BAZ2B: variants seen among roughly 807,000 people sequenced by gnomAD.
The protein encoded by BAZ2B is bromodomain adjacent to zinc finger domain 2B, also known as bromodomain adjacent to zinc finger domain protein 2B.
Under a neutral mutation model 246.0 loss-of-function variants are expected in BAZ2B, and 91 were observed. The observed-to-expected ratio is 0.37, with a 90% CI of 0.31 to 0.44. BAZ2B has a LOEUF of 0.44. BAZ2B is among the 20% of genes least tolerant of loss of function. The probability of loss-of-function intolerance (pLI) is 1.00; values close to 1 mark genes in which losing one functional copy is unlikely to be tolerated. For missense variants in BAZ2B, 2,332 were observed against 2,533.7 expected (o/e 0.92, Z 1.71); for synonymous variants, 855 against 860.0 (o/e 0.99, Z 0.10).
chr2:159,674,406 G>GAAGAA, the BAZ2B span, among the ~76,000 whole-genome samples: 67,366 of 148,748 alleles, frequency 0.45, 16,102 homozygotes, highest in Middle Eastern at 0.63. Context: ...AAAGAGAAGA[G>GAAGAA]AAGAAAAGAA....
intron 18 of BAZ2B, among the ~76,000 whole-genome samples, chr2:159,398,511 A>G (rs2064421721): frequency 1.3e-5 from 2 of 152,136 alleles, no homozygotes; most frequent in South Asian, 4.1e-4. Context: ...CATAAACATA[A>G]ATAACACACA....
At chr2:159,425,585 T>C (rs2069673016) in intron 13 of BAZ2B, among the ~76,000 whole-genome samples, 1 of 152,222 alleles carries the variant, frequency 6.6e-6, no homozygotes, top group African/African-American at 2.4e-5. Context: ...ATTACATCCA[T>C]CATTAGTTTT....
the BAZ2B span, chr2:159,694,431 T>C: frequency 6.6e-6 from 1 of 152,152 alleles, no homozygotes; most frequent in Admixed American, 6.5e-5. Context: ...CACTATCTAG[T>C]TGCAGAACAT....
chr2:159,512,731 G>A (rs1034715889), intron 2 of BAZ2B, among the ~76,000 whole-genome samples: 1 of 152,084 alleles, frequency 6.6e-6, no homozygotes, highest in Non-Finnish European at 1.5e-5. Context: ...CACTTATTAA[G>A]CACTATACAC....
chr2:159,606,885 T>A (rs10167143), intron 1 of BAZ2B, among the ~76,000 whole-genome samples: 81,757 of 150,514 alleles, frequency 0.54, 23,074 homozygotes, highest in East Asian at 0.74. Flanking sequence ...ATTTTTTAAA[T>A]CTTTCCTTTT....
At chr2:159,522,429 TAAC>T (rs745864305) in intron 2 of BAZ2B, among the ~76,000 whole-genome samples, 243 of 152,178 alleles carry the variant, frequency 1.6e-3, no homozygotes, top group Non-Finnish European at 2.2e-3. Flanking sequence ...ATAACAGCTT[TAAC>T]AACAACAACA....
At chr2:159,430,235 A>G (rs2070826605) in intron 10 of BAZ2B, among the ~76,000 whole-genome samples, 1 of 152,154 alleles carries the variant, frequency 6.6e-6, no homozygotes, top group Admixed American at 6.5e-5. Flanking sequence ...AAACAGCAAG[A>G]CCAATCCTTC....
chr2:159,691,199 C>T, the BAZ2B span, among the ~76,000 whole-genome samples: 3 of 152,012 alleles, frequency 2.0e-5, no homozygotes, highest in South Asian at 2.1e-4. Flanking sequence ...TTATTAATAT[C>T]GTATATTAAT....
chr2:159,382,851 A>T, intron 24 of BAZ2B, 49 bp from the exon 25 acceptor site: 1 of 1,583,458 alleles, frequency 6.3e-7, no homozygotes, highest in Non-Finnish European at 8.6e-7. Context: ...ACTTCTCAAT[A>T]TACTTTTAAA....
chr2:159,517,645 A>G (rs1007436704), intron 2 of BAZ2B, among the ~76,000 whole-genome samples: 3 of 152,160 alleles, frequency 2.0e-5, no homozygotes, highest in African/African-American at 7.2e-5. Context: ...TTAGGTTTGT[A>G]TTTATTCATT....
At chr2:159,389,236 A>G in intron 21 of BAZ2B, 109 bp downstream of exon 21, 1 of 1,145,744 alleles carries the variant, frequency 8.7e-7, no homozygotes, top group Non-Finnish European at 1.2e-6. Context: ...TCACTGCTAT[A>G]GTTAAAAATG....
intron 2 of BAZ2B, among the ~76,000 whole-genome samples, chr2:159,520,623 A>G (rs754411554): frequency 1.3e-5 from 2 of 152,172 alleles, no homozygotes; most frequent in Non-Finnish European, 2.9e-5. Context: ...TTTGTTCAAC[A>G]TAACTAGGAT....
At chr2:159,496,554 G>A (rs1351652861) in intron 2 of BAZ2B, among the ~76,000 whole-genome samples, 4 of 149,188 alleles carry the variant, frequency 2.7e-5, no homozygotes, top group African/African-American at 9.9e-5. Context: ...AGGCCAAGGT[G>A]GGCGGATCAC....
Position 159,320,270 on chromosome 2 carries a change from T to C in BAZ2B, c.6502A>G (p.Ser2168Gly). 1 of 1,545,104 alleles carries C rather than the reference T, an allele frequency of 6.5e-7. No individual in the cohort carries two copies. Among genetic ancestry groups the C allele is most frequent in the Non-Finnish European group, 8.6e-7 (1 of 1,159,398 alleles). Residue 2168 changes from serine (S) to glycine (G), a missense_variant, in exon 37 of 37, where the codon AGC becomes GGC. Physicochemically the swap from Ser to Gly is moderately conservative, Grantham distance 56. Transcript: ENST00000392783. Reference sequence around the variant, plus strand: ...ATAAAGAGATTATTATAACTTCAGCTCACTTTGAAAGTATCTGTCCACTTT... The same window carrying C: ...ATAAAGAGATTATTATAACTTCAGCCCACTTTGAAAGTATCTGTCCACTTT... ...EKKWTDTFKV[S>G]
chr2:159,543,635 A>G (rs1022476368), intron 2 of BAZ2B, among the ~76,000 whole-genome samples: 3 of 149,750 alleles, frequency 2.0e-5, no homozygotes, highest in African/African-American at 7.4e-5. Context: ...TCCTGGGTTC[A>G]AGGGATTCTC....
intron 2 of BAZ2B, among the ~76,000 whole-genome samples, chr2:159,538,018 G>A (rs1291725420): frequency 6.6e-6 from 1 of 151,948 alleles, no homozygotes; most frequent in East Asian, 1.9e-4. Context: ...GTTTGTTTAG[G>A]AGGAGTCTCA....
chr2:159,574,567 C>T (rs575788047), intron 1 of BAZ2B, among the ~76,000 whole-genome samples: 7 of 152,156 alleles, frequency 4.6e-5, no homozygotes, highest in South Asian at 2.1e-4. Flanking sequence ...AAAACCTACA[C>T]GTATGTAGGT....
the BAZ2B span, among the ~76,000 whole-genome samples, chr2:159,691,733 T>G: frequency 6.6e-6 from 1 of 152,210 alleles, no homozygotes; most frequent in Non-Finnish European, 1.5e-5. Flanking sequence ...TTTACGGTAT[T>G]ACACTAAACA....
intron 2 of BAZ2B, among the ~76,000 whole-genome samples, chr2:159,501,137 TTTTATA>T (rs1375312120): frequency 7.0e-5 from 2 of 28,442 alleles, no homozygotes; most frequent in Non-Finnish European, 2.3e-4. Flanking sequence ...TATATATATA[TTTTATA>T]TATATAATAT....
Sources: gnomAD v4.1 joint callset for allele counts (sites outside exome capture counted in the v4.1 genomes callset) on GRCh38, gnomAD v4.1.1 for gene constraint, MANE v1.5 for transcripts, NCBI Gene and HGNC (gene_info 2026-07-23, HGNC 2026-07-21) for gene names.